CMC2: variants seen among roughly 807,000 people sequenced by gnomAD.
CMC2 encodes the protein COX assembly mitochondrial protein 2 homolog.
Under a neutral mutation model 7.5 loss-of-function variants are expected in CMC2, and 5 were observed. The ratio of observed to expected loss-of-function variants is 0.66; its 90% CI spans 0.35 to 1.40. CMC2 has a LOEUF of 1.40. Among genes scored for constraint, CMC2 ranks in the 40% most tolerant of loss-of-function variants. The pLI, the probability that CMC2 is intolerant of heterozygous loss-of-function variation, is 0.04. For missense variants in CMC2, 115 were observed against 92.3 expected, an observed-to-expected ratio of 1.25 and a Z score of -1.01; for synonymous variants, 37 against 31.4, an observed-to-expected ratio of 1.18 and a Z score of -0.60.
chr16:81,002,931 C>G (rs1440401113), intron 1 of CMC2, among the ~76,000 whole-genome samples: 3 of 152,200 alleles, frequency 2.0e-5, no homozygotes, highest in Non-Finnish European at 4.4e-5. Context: ...TAACCTAAAG[C>G]TCTAAACACT....
intron 3 of CMC2, among the ~76,000 whole-genome samples, 198 bp downstream of exon 3, chr16:80,981,608 G>T (rs531142344): frequency 6.6e-6 from 1 of 152,220 alleles, no homozygotes; most frequent in South Asian, 2.1e-4. Context: ...TTGTGTTCAT[G>T]GCCAAAAAGC....
rs192485352 is a variant in CMC2 at position 80,980,833 on chromosome 16, G to C, written c.153+973C>G. 3.5e-3 allele frequency: 2,439 copies of C among 700,220 alleles called. 9 individuals are homozygous for C. Among genetic ancestry groups the C allele is most frequent in the Non-Finnish European group, 5.4e-3 (2,084 of 384,572 alleles). The allele number at this position is 700,220 out of a possible 1,614,324, so 43.4% of individuals were successfully genotyped here. ...TCACTTGAGTTTGAGGCTTCCGTGA[G>C]TTACGATCACCCTACTGCACTCCAG... On this transcript the variant is annotated intron_variant, in intron 3 of 3. Coordinates refer to ENST00000219400, the MANE Select transcript of CMC2 (RefSeq NM_020188.5).
chr16:80,985,023 A>C (rs1454606664), intron 2 of CMC2, among the ~76,000 whole-genome samples: 1 of 152,214 alleles, frequency 6.6e-6, no homozygotes, highest in Non-Finnish European at 1.5e-5. Context: ...TAAGTGAATC[A>C]ACAGATATCT....
chr16:80,985,429 G>A (rs1018853268), intron 2 of CMC2, among the ~76,000 whole-genome samples: 5 of 151,982 alleles, frequency 3.3e-5, no homozygotes, highest in Non-Finnish European at 5.9e-5. Context: ...AATTCTTTTC[G>A]CTTTTTTCTG....
chr16:80,997,508 G>A (rs1344302457), intron 1 of CMC2, 79 bp from the exon 2 acceptor site: 10 of 737,530 alleles, frequency 1.4e-5, no homozygotes, highest in Admixed American at 2.2e-5. Context: ...AGAACCTCTA[G>A]TGACCTTTAT....
intron 1 of CMC2, chr16:80,998,739 G>A (rs1411692561): frequency 6.6e-6 from 1 of 152,176 alleles, no homozygotes; most frequent in East Asian, 1.9e-4. Context: ...GATGAAATGT[G>A]AGGACATTCT....
At position 80,975,848 on chromosome 16, in the gene CMC2, C is replaced by G; in HGVS notation, c.*245G>C. On this transcript the variant is annotated 3_prime_UTR_variant, in exon 4 of 4. Transcript: ENST00000219400. ...AGGAGATAAGTTACTCAGATATTAA[C>G]TGGTTGTAGGCAAAGGGAATAAACA... 9.1e-6 allele frequency: 3 copies of G among 329,096 alleles called. No homozygotes were observed. In the Admixed American group the frequency reaches 1.3e-4, roughly 14 times the overall value. 20.4% of individuals were successfully genotyped at this position (329,096 alleles called of 1,614,324 possible).
chr16:80,992,269 G>T (rs1032939327), intron 2 of CMC2, among the ~76,000 whole-genome samples: 1 of 152,184 alleles, frequency 6.6e-6, no homozygotes, highest in Admixed American at 6.5e-5. Context: ...TTTACGTTGG[G>T]AAAGTGTGTT....
At chr16:81,004,988 GCGGCTGCA>G in intron 1 of CMC2, among the ~76,000 whole-genome samples, 1 of 152,172 alleles carries the variant, frequency 6.6e-6, no homozygotes, top group Non-Finnish European at 1.5e-5. Flanking sequence ...TTCCTATTGT[GCGGCTGCA>G]CAGGAAATTT....
chr16:80,988,684 C>A (rs745705986), intron 2 of CMC2: 14 of 631,000 alleles, frequency 2.2e-5, no homozygotes, highest in Non-Finnish European at 2.8e-5. Context: ...AATTTATAGA[C>A]CTTATTCAAA....
At chr16:80,993,032 T>C (rs1968129511) in intron 2 of CMC2, among the ~76,000 whole-genome samples, 1 of 152,196 alleles carries the variant, frequency 6.6e-6, no homozygotes, top group Non-Finnish European at 1.5e-5. Context: ...TCCAGGTTTC[T>C]TAGTGTTTGT....
At chr16:81,006,598 G>T in intron 1 of CMC2, 136 bp downstream of exon 1, 1 of 604,926 alleles carries the variant, frequency 1.7e-6, no homozygotes, top group Non-Finnish European at 2.1e-6. Context: ...CTGTGGGCCT[G>T]CGGCAGCCGG....
At chr16:80,991,274 G>A (rs1050600125) in intron 2 of CMC2, among the ~76,000 whole-genome samples, 1 of 152,084 alleles carries the variant, frequency 6.6e-6, no homozygotes, top group Non-Finnish European at 1.5e-5. Flanking sequence ...CAGTCCTTAC[G>A]TGTAGGCTGC....
At chr16:80,980,929 G>T in intron 3 of CMC2, 1 of 650,324 alleles carries the variant, frequency 1.5e-6, no homozygotes, top group South Asian at 1.7e-5. Context: ...ACTCTTCACT[G>T]AGTACTCCAA....
At chr16:80,991,946 C>G in intron 2 of CMC2, 1 of 455,482 alleles carries the variant, frequency 2.2e-6, no homozygotes, top group Non-Finnish European at 4.4e-6. Context: ...AATGTGTATC[C>G]TGGACGGAAT....
At chr16:80,988,806 C>CT (rs34666072) in intron 2 of CMC2, among the ~76,000 whole-genome samples, 13,351 of 151,200 alleles carry the variant, frequency 0.088, 686 homozygotes, top group East Asian at 0.19. Context: ...TCTTTTTAGT[C>CT]TTTTTTTTTT....
Position 80,988,566 on chromosome 16 carries a change from C to T in CMC2, c.82-6689G>A, listed in dbSNP as rs145275611. ...TATACACCCGAGCTTTTCTTCTGAA[C>T]CGAGTAAGTTGCAGATATGATGCAC... On this transcript the variant is annotated intron_variant, in intron 2 of 3. Coordinates refer to ENST00000219400, the MANE Select transcript of CMC2 (RefSeq NM_020188.5). The T allele has an allele frequency of 4.3e-4, 301 of 701,514 alleles. 1 individual carries two copies. The African/African-American group carries it at 4.9e-3, about 11-fold the overall frequency. 43.5% of individuals were successfully genotyped at this position (701,514 alleles called of 1,614,324 possible). A position where few individuals can be genotyped will look rare whatever the true frequency, so the allele number is the denominator to read the frequency against.
Position 81,002,858 on chromosome 16 carries a change from T to C in CMC2, c.-36+3876A>G, listed in dbSNP as rs528410735. On this transcript the variant is annotated intron_variant, in intron 1 of 3. Coordinates refer to ENST00000219400, the MANE Select transcript of CMC2 (RefSeq NM_020188.5). ...TCTACTTTCTTAGCCTAGATGACTATGTCAAAGAATAAAATGGTTTAATTT... is the reference window on the plus strand; with the variant it reads ...TCTACTTTCTTAGCCTAGATGACTACGTCAAAGAATAAAATGGTTTAATTT... Among the ~76,000 whole-genome samples, 8 of 152,356 alleles carry C rather than the reference T, an allele frequency of 5.3e-5. No individual in the cohort carries two copies. In the South Asian group the frequency reaches 1.2e-3, roughly 24 times the overall value.
At chr16:80,979,219 G>A (rs567411840) in intron 3 of CMC2, among the ~76,000 whole-genome samples, 12 of 152,156 alleles carry the variant, frequency 7.9e-5, no homozygotes, top group African/African-American at 2.9e-4. Flanking sequence ...GATTAGTGAT[G>A]GGCAAGCAGA....
Sources: allele counts gnomAD v4.1 joint callset (sites outside exome capture counted in the v4.1 genomes callset), GRCh38; gene constraint gnomAD v4.1.1; transcripts MANE v1.5; gene names NCBI Gene and HGNC (gene_info 2026-07-23, HGNC 2026-07-21).